The following CLASP2 variants were observed in gnomAD, a reference collection of about 807,000 sequenced individuals.
CLASP2 encodes cytoplasmic linker associated protein 2.
CLASP2 carries 47 observed loss-of-function variants against 194.4 expected under a neutral mutation model. That is an observed-to-expected ratio of 0.24 (90% CI 0.19 to 0.31). The LOEUF is 0.31. CLASP2 is among the 10% of genes least tolerant of loss of function. CLASP2 has a pLI of 1.00. For missense variants in CLASP2, 1,445 were observed against 1,823.6 expected (o/e 0.79, Z 3.78); for synonymous variants, 619 against 633.5 (o/e 0.98, Z 0.34).
chr3:33,675,531 C>CA (rs1470159762), intron 6 of CLASP2, among the ~76,000 whole-genome samples: 2 of 148,856 alleles, frequency 1.3e-5, no homozygotes, highest in African/African-American at 4.9e-5. Flanking sequence ...TGGCACAAGA[C>CA]AGGGATGCCC....
intron 8 of CLASP2, among the ~76,000 whole-genome samples, chr3:33,633,057 T>C (rs1290951678): frequency 1.3e-5 from 2 of 152,218 alleles, no homozygotes; most frequent in Admixed American, 1.3e-4. Flanking sequence ...GGAAGGGAAC[T>C]GTTTCTTCCT....
chr3:33,677,689 A>T (rs559136039), intron 6 of CLASP2, among the ~76,000 whole-genome samples: 36 of 151,554 alleles, frequency 2.4e-4, no homozygotes, highest in Middle Eastern at 3.4e-3. Context: ...GTACCCTAAA[A>T]CTTAAAGTAT....
At chr3:33,703,116 C>G (rs375470524) in intron 1 of CLASP2, among the ~76,000 whole-genome samples, 2 of 152,232 alleles carry the variant, frequency 1.3e-5, no homozygotes, top group African/African-American at 4.8e-5. Context: ...ATGGGCTTCA[C>G]TAAAATTAAA....
intron 8 of CLASP2, among the ~76,000 whole-genome samples, chr3:33,639,695 A>G (rs1043369249): frequency 6.6e-6 from 1 of 152,202 alleles, no homozygotes; most frequent in Non-Finnish European, 1.5e-5. Context: ...TGTATAATCA[A>G]CGTTAGGAGA....
rs201711181 is a variant in CLASP2, at chr3:33,631,852, T to TA, written c.942+439dup. Among the ~76,000 whole-genome samples, 10 of 104,142 alleles carry TA rather than the reference T, an allele frequency of 9.6e-5. No individual in the cohort carries two copies. In the South Asian group the frequency reaches 1.1e-3, roughly 11 times the overall value. 68.3% of individuals were successfully genotyped at this position (104,142 alleles called of 152,430 possible). A position where few individuals can be genotyped will look rare whatever the true frequency, so the allele number is the denominator to read the frequency against. On this transcript the variant is annotated intron_variant, in intron 9 of 38. Transcript: ENST00000682230. ...ACAAATTTTACATCACGAAAAAATA[T>TA]AAAAAAAAAGCACTGAGTAAAAAGT...
intron 16 of CLASP2, among the ~76,000 whole-genome samples, chr3:33,605,506 T>C (rs2073584242): frequency 6.6e-6 from 1 of 152,194 alleles, no homozygotes; most frequent in African/African-American, 2.4e-5. Context: ...AGTGCCTGCT[T>C]AAATTCTGTA....
rs1243937792 is a variant in CLASP2 at position 33,581,933 on chromosome 3, T to TGTGAAGCAA, written c.2240-14_2240-6dup. The TGTGAAGCAA allele has an allele frequency of 6.2e-7, 1 of 1,601,844 alleles. No homozygotes were observed. The highest frequency in any genetic ancestry group is 2.2e-5 in the East Asian group (1 of 44,856). On this transcript the variant is annotated splice_polypyrimidine_tract_variant and splice_region_variant and intron_variant, in intron 22 of 38. Coordinates refer to ENST00000682230, the MANE Select transcript of CLASP2 (RefSeq NM_001365631.1). ...GAGGAATACGACTGCTTCGGGCTGGTGTGAAGCAACAGCAGCACACACAGT... is the reference window on the plus strand; with the variant it reads ...GAGGAATACGACTGCTTCGGGCTGGTGTGAAGCAAGTGAAGCAACAGCAGCACACACAGT...
At chr3:33,571,696 G>C (rs2063809919) in intron 25 of CLASP2, among the ~76,000 whole-genome samples, 1 of 151,746 alleles carries the variant, frequency 6.6e-6, no homozygotes, top group Non-Finnish European at 1.5e-5. Context: ...CACGCCTGTA[G>C]TACCAGCTAC....
chr3:33,717,931 G>T lies in CLASP2; in HGVS notation c.72C>A (p.Val24=). The change falls in exon 1 of 39, where the codon GTC becomes GTA. Residue 24 remains valine (V), a synonymous_variant. Transcript: ENST00000682230. ...CAAGGTAGAGCAGGAGCTCCTGGCC[G>T]ACCTGCAGCCGGCCGCCGACGTCCT... is the stretch of plus-strand genomic sequence containing the variant. The part of the protein sequence containing the change: ...QQKDVGGRLQ[V]GQELLLYLGA... The T allele has an allele frequency of 6.5e-7, 1 of 1,549,504 alleles. No homozygotes were observed.
chr3:33,653,106 G>A (rs965806877), intron 7 of CLASP2, among the ~76,000 whole-genome samples: 2 of 152,228 alleles, frequency 1.3e-5, no homozygotes, highest in Non-Finnish European at 2.9e-5. Flanking sequence ...AAAGGCTGAG[G>A]GGGAACTGTA....
intron 1 of CLASP2, among the ~76,000 whole-genome samples, chr3:33,707,372 G>T (rs2092737153): frequency 6.6e-6 from 1 of 152,102 alleles, no homozygotes; most frequent in African/African-American, 2.4e-5. Context: ...TAAGTAAATG[G>T]AAAGAATCAT....
chr3:33,633,368 T>G (rs1042470550), intron 8 of CLASP2, among the ~76,000 whole-genome samples: 2 of 151,998 alleles, frequency 1.3e-5, no homozygotes, highest in Non-Finnish European at 2.9e-5. Context: ...AATTCTTGAG[T>G]TGAGACAAGA....
At chr3:33,548,438 C>T (rs2154154995) in intron 30 of CLASP2, among the ~76,000 whole-genome samples, 1 of 152,214 alleles carries the variant, frequency 6.6e-6, no homozygotes, top group East Asian at 1.9e-4. Context: ...GCTGGGACTG[C>T]AGGTGCGTGC....
intron 12 of CLASP2, among the ~76,000 whole-genome samples, chr3:33,617,949 ATATT>A (rs1381509502): frequency 1.6e-5 from 2 of 123,062 alleles, no homozygotes; most frequent in Non-Finnish European, 3.3e-5. Flanking sequence ...ATATATATAT[ATATT>A]TTTTTTTTTT....
chr3:33,692,030 C>T (rs1053031615), intron 2 of CLASP2, among the ~76,000 whole-genome samples: 2 of 151,910 alleles, frequency 1.3e-5, no homozygotes, highest in Non-Finnish European at 1.5e-5. Context: ...ATTAGCCGAG[C>T]GTGATGATGC....
At chr3:33,701,662 T>C (rs531181944) in intron 1 of CLASP2, among the ~76,000 whole-genome samples, 165 of 152,292 alleles carry the variant, frequency 1.1e-3, no homozygotes, top group African/African-American at 3.6e-3. Flanking sequence ...CATACACATA[T>C]ATAGTCAACT....
chr3:33,602,900 A>T, intron 18 of CLASP2, 52 bp downstream of exon 18: 1 of 1,513,472 alleles, frequency 6.6e-7, no homozygotes, highest in Non-Finnish European at 9.1e-7. Flanking sequence ...ACTTGTCTTC[A>T]CAGAGATCAG....
chr3:33,684,775 G>T (rs1238431852), intron 5 of CLASP2, among the ~76,000 whole-genome samples: 1 of 151,816 alleles, frequency 6.6e-6, no homozygotes, highest in Non-Finnish European at 1.5e-5. Context: ...CAAGGAGGGT[G>T]GATTGCCTGA....
chr3:33,716,758 T>C (rs544020813), intron 1 of CLASP2, among the ~76,000 whole-genome samples: 4 of 152,344 alleles, frequency 2.6e-5, no homozygotes, highest in East Asian at 3.9e-4. Flanking sequence ...TCAAACTTTA[T>C]TGTCCTTGTA....
Sources: allele counts gnomAD v4.1 joint callset (sites outside exome capture counted in the v4.1 genomes callset), GRCh38; gene constraint gnomAD v4.1.1; transcripts MANE v1.5; gene names NCBI Gene and HGNC (gene_info 2026-07-23, HGNC 2026-07-21).